Variants in NCKAP5 observed in about 807,000 individuals in gnomAD.
NCKAP5 encodes the protein nck-associated protein 5.
NCKAP5 carries 92 observed loss-of-function variants against 167.0 expected under a neutral mutation model. The ratio of observed to expected loss-of-function variants is 0.55; its 90% CI spans 0.47 to 0.66. The LOEUF (loss-of-function observed/expected upper bound fraction) is 0.66, where lower values mean the gene tolerates loss of function less well. Among genes scored for constraint, NCKAP5 ranks in the 30% least tolerant of loss-of-function variants. The pLI is 0.00. For synonymous variants in NCKAP5, 891 were observed against 877.4 expected, an observed-to-expected ratio of 1.02 and a Z score of -0.27; for missense variants, 2,378 against 2,315.0, an observed-to-expected ratio of 1.03 and a Z score of -0.56.
chr2:132,769,636 T>C (rs1386325896), intron 16 of NCKAP5, among the ~76,000 whole-genome samples: 1 of 152,204 alleles, frequency 6.6e-6, no homozygotes, highest in Non-Finnish European at 1.5e-5. Context: ...GAGAACCTAT[T>C]GACTGGCTAG....
chr2:133,468,196 T>G (rs1692748082), intron 3 of NCKAP5, among the ~76,000 whole-genome samples: 1 of 136,644 alleles, frequency 7.3e-6, no homozygotes, highest in Non-Finnish European at 1.6e-5. Flanking sequence ...ATCCCAGAGA[T>G]TCTGGTATAT....
intron 8 of NCKAP5, among the ~76,000 whole-genome samples, chr2:132,956,544 G>A (rs936073811): frequency 2.0e-5 from 3 of 152,074 alleles, no homozygotes; most frequent in African/African-American, 4.8e-5. Context: ...CCGCATCATC[G>A]ATTTCGCCCT....
intron 1 of NCKAP5, among the ~76,000 whole-genome samples, chr2:133,560,121 C>T (rs1356324202): frequency 6.6e-6 from 1 of 152,164 alleles, no homozygotes; most frequent in African/African-American, 2.4e-5. Context: ...CAATGCCAAG[C>T]TTTGTGCCCC....
chr2:133,023,278 T>G (rs1372300733), intron 6 of NCKAP5, among the ~76,000 whole-genome samples: 1 of 152,228 alleles, frequency 6.6e-6, no homozygotes, highest in Non-Finnish European at 1.5e-5. Flanking sequence ...TTCTCCATAT[T>G]AATGTTCACC....
chr2:133,577,770 G>A, the NCKAP5 span, among the ~76,000 whole-genome samples: 7 of 152,082 alleles, frequency 4.6e-5, no homozygotes, highest in East Asian at 1.2e-3. Context: ...ATATGTATGA[G>A]CGGCCAAGTA....
At chr2:133,344,254 CA>C (rs1232337528) in intron 3 of NCKAP5, among the ~76,000 whole-genome samples, 1 of 151,918 alleles carries the variant, frequency 6.6e-6, no homozygotes, top group East Asian at 1.9e-4. Flanking sequence ...ACTAAAAATA[CA>C]AAAATTAGCT....
At chr2:133,083,344 C>T (rs1466486819) in intron 6 of NCKAP5, among the ~76,000 whole-genome samples, 1 of 152,110 alleles carries the variant, frequency 6.6e-6, no homozygotes, top group Non-Finnish European at 1.5e-5. Flanking sequence ...CAGGGGCTTG[C>T]TCAGCAATGG....
At chr2:132,808,494 T>C (rs553632537) in intron 11 of NCKAP5, among the ~76,000 whole-genome samples, 149 of 152,226 alleles carry the variant, frequency 9.8e-4, no homozygotes, top group African/African-American at 3.5e-3. Flanking sequence ...CTAAGAGGGA[T>C]GTATTTTTCC....
intron 4 of NCKAP5, among the ~76,000 whole-genome samples, chr2:133,241,388 C>T (rs1482611805): frequency 6.6e-6 from 1 of 152,228 alleles, no homozygotes; most frequent in African/African-American, 2.4e-5. Flanking sequence ...TCACTAATGA[C>T]TTCCAGCTCT....
intron 3 of NCKAP5, among the ~76,000 whole-genome samples, chr2:133,483,628 G>C (rs767698853): frequency 1.2e-5 from 1 of 85,116 alleles, no homozygotes; most frequent in Non-Finnish European, 2.6e-5. Context: ...CAAAAAAAAA[G>C]GGGGGGGGGC....
At chr2:132,792,238 C>T (rs1684134311) in intron 12 of NCKAP5, among the ~76,000 whole-genome samples, 2 of 152,186 alleles carry the variant, frequency 1.3e-5, no homozygotes, top group Admixed American at 6.5e-5. Context: ...TTTTACTATC[C>T]TATTTCTTCC....
intron 5 of NCKAP5, among the ~76,000 whole-genome samples, chr2:133,160,724 T>G (rs1267198288): frequency 1.3e-5 from 2 of 152,166 alleles, no homozygotes; most frequent in Non-Finnish European, 2.9e-5. Context: ...TTACTCACCC[T>G]TCCTGCTACT....
chr2:133,520,676 G>GA (rs1458970127), intron 2 of NCKAP5, among the ~76,000 whole-genome samples: 3 of 152,084 alleles, frequency 2.0e-5, no homozygotes, highest in African/African-American at 7.2e-5. Flanking sequence ...TTGGGAAATG[G>GA]GGATCCTTTT....
intron 3 of NCKAP5, among the ~76,000 whole-genome samples, chr2:133,362,502 A>G (rs557220646): frequency 2.2e-4 from 34 of 152,326 alleles, no homozygotes; most frequent in African/African-American, 7.5e-4. Context: ...TAAAATCAAA[A>G]GAAAAAGCTG....
chr2:133,263,773 T>C (rs747368287), intron 4 of NCKAP5, among the ~76,000 whole-genome samples: 5 of 152,160 alleles, frequency 3.3e-5, no homozygotes, highest in Non-Finnish European at 7.3e-5. Context: ...TTCAAAGTAA[T>C]GGGTAAAAAT....
At chr2:133,279,320 G>A (rs1286138350) in intron 4 of NCKAP5, among the ~76,000 whole-genome samples, 2 of 152,110 alleles carry the variant, frequency 1.3e-5, no homozygotes, top group Admixed American at 1.3e-4. Context: ...GTCAGGTTTG[G>A]ATTGTATACT....
chr2:132,876,736 A>G (rs1053650308), intron 9 of NCKAP5, among the ~76,000 whole-genome samples: 4 of 152,212 alleles, frequency 2.6e-5, no homozygotes, highest in African/African-American at 9.6e-5. Flanking sequence ...AATTTTTGCA[A>G]CTAAGAACAG....
intron 3 of NCKAP5, among the ~76,000 whole-genome samples, chr2:133,457,889 G>A (rs1405519701): frequency 6.6e-6 from 1 of 152,128 alleles, no homozygotes; most frequent in Non-Finnish European, 1.5e-5. Flanking sequence ...AAGGACAAAA[G>A]TTAAACACGA....
At chr2:132,824,333 C>T (rs1011844536) in intron 11 of NCKAP5, among the ~76,000 whole-genome samples, 3 of 152,162 alleles carry the variant, frequency 2.0e-5, no homozygotes, top group Admixed American at 1.3e-4. Context: ...GCCAAGATGA[C>T]TGCTGCACAT....
Sources: allele counts gnomAD v4.1 joint callset (sites outside exome capture counted in the v4.1 genomes callset), GRCh38; gene constraint gnomAD v4.1.1; transcripts MANE v1.5; gene names NCBI Gene and HGNC (gene_info 2026-07-23, HGNC 2026-07-21).